CDH18: variants seen among roughly 807,000 people sequenced by gnomAD.
CDH18 encodes the protein cadherin-18.
CDH18 carries 31 observed loss-of-function variants against 67.9 expected under a neutral mutation model. The ratio of observed to expected loss-of-function variants is 0.46; its 90% CI spans 0.34 to 0.62. The LOEUF (loss-of-function observed/expected upper bound fraction) is 0.62. Among genes scored for constraint, CDH18 ranks in the 20% least tolerant of loss-of-function variants. The pLI is 0.01. For synonymous variants in CDH18, 362 were observed against 347.2 expected (o/e 1.04, Z -0.48); for missense variants, 890 against 975.5 (o/e 0.91, Z 1.17).
intron 1 of CDH18, among the ~76,000 whole-genome samples, chr5:20,513,092 TAATG>T (rs1183286582): frequency 2.0e-5 from 3 of 152,154 alleles, no homozygotes; most frequent in Non-Finnish European, 4.4e-5. Context: ...TTTTTATAAT[TAATG>T]AATGAAGGCC....
chr5:20,293,797 T>C (rs1747280155), intron 1 of CDH18, among the ~76,000 whole-genome samples: 1 of 152,166 alleles, frequency 6.6e-6, no homozygotes, highest in South Asian at 2.1e-4. Context: ...ATTATACAAA[T>C]AGTGTATTAT....
chr5:20,010,159 GGTGT>G (rs35461877), intron 2 of CDH18, among the ~76,000 whole-genome samples: 58 of 146,374 alleles, frequency 4.0e-4, no homozygotes, highest in Admixed American at 5.5e-4. Flanking sequence ...AGTGGAAAGT[GGTGT>G]GTGTGTGTGT....
intron 3 of CDH18, among the ~76,000 whole-genome samples, chr5:19,833,607 A>G (rs1448255077): frequency 6.6e-6 from 1 of 152,206 alleles, no homozygotes; most frequent in Non-Finnish European, 1.5e-5. Context: ...TTAGTTTTCA[A>G]AGGAAATACT....
At chr5:19,573,889 C>A (rs1458339096) in intron 7 of CDH18, among the ~76,000 whole-genome samples, 1 of 152,096 alleles carries the variant, frequency 6.6e-6, no homozygotes, top group Non-Finnish European at 1.5e-5. Flanking sequence ...AGTTAACTTG[C>A]TGCATGTGGA....
intron 2 of CDH18, among the ~76,000 whole-genome samples, chr5:20,206,389 C>T (rs763256691): frequency 4.6e-5 from 7 of 151,736 alleles, no homozygotes; most frequent in African/African-American, 9.7e-5. Context: ...GAATCACTGA[C>T]GAACTCTACC....
intron 5 of CDH18, among the ~76,000 whole-genome samples, chr5:19,625,784 C>CA (rs1207848631): frequency 6.6e-6 from 1 of 152,020 alleles, no homozygotes; most frequent in African/African-American, 2.4e-5. Flanking sequence ...GGTAGAGCCA[C>CA]AGAAGTTCAC....
intron 1 of CDH18, among the ~76,000 whole-genome samples, chr5:20,338,056 A>G (rs903272319): frequency 1.3e-5 from 2 of 152,258 alleles, no homozygotes; most frequent in Non-Finnish European, 1.5e-5. Flanking sequence ...GGAGAACACG[A>G]TGGGAAAGAC....
intron 1 of CDH18, among the ~76,000 whole-genome samples, chr5:20,505,016 T>C (rs1458761139): frequency 6.6e-6 from 1 of 151,920 alleles, no homozygotes; most frequent in East Asian, 1.9e-4. Context: ...ATCCAGCCGC[T>C]TCGGCCTCCC....
chr5:20,053,152 T>A (rs1231504498), intron 2 of CDH18, among the ~76,000 whole-genome samples: 2 of 151,978 alleles, frequency 1.3e-5, no homozygotes, highest in Non-Finnish European at 2.9e-5. Context: ...ATTTTTACAT[T>A]GTTAACACAA....
chr5:19,512,311 C>T (rs560009221), intron 10 of CDH18, among the ~76,000 whole-genome samples: 1 of 152,206 alleles, frequency 6.6e-6, no homozygotes, highest in East Asian at 1.9e-4. Context: ...TATAATTAGT[C>T]CGAAAACAAT....
intron 2 of CDH18, among the ~76,000 whole-genome samples, chr5:20,151,232 T>C (rs1006260951): frequency 6.6e-6 from 1 of 152,082 alleles, no homozygotes; most frequent in African/African-American, 2.4e-5. Context: ...AGTAAGATCA[T>C]GTGGTATTTG....
chr5:19,813,376 C>CTCAT (rs1212550131), intron 3 of CDH18, among the ~76,000 whole-genome samples: 1 of 151,868 alleles, frequency 6.6e-6, no homozygotes. Flanking sequence ...AAAGTTAAAA[C>CTCAT]TCATTTCTAT....
chr5:20,182,874 T>A (rs960274207), intron 2 of CDH18, among the ~76,000 whole-genome samples: 1 of 152,048 alleles, frequency 6.6e-6, no homozygotes, highest in Non-Finnish European at 1.5e-5. Flanking sequence ...AAGTATTTTG[T>A]TATAGTAGCA....
chr5:19,966,925 T>A (rs2150322070), intron 2 of CDH18, among the ~76,000 whole-genome samples: 1 of 152,170 alleles, frequency 6.6e-6, no homozygotes, highest in African/African-American at 2.4e-5. Context: ...TACATAATTG[T>A]TAATATCAAA....
At chr5:20,490,036 C>A (rs1206482822) in intron 1 of CDH18, among the ~76,000 whole-genome samples, 2 of 150,596 alleles carry the variant, frequency 1.3e-5, no homozygotes, top group Non-Finnish European at 3.0e-5. Flanking sequence ...TATAATAAAT[C>A]ATTAATTGAA....
intron 1 of CDH18, among the ~76,000 whole-genome samples, chr5:20,416,033 T>C (rs537619640): frequency 1.3e-5 from 2 of 152,216 alleles, no homozygotes; most frequent in African/African-American, 4.8e-5. Context: ...GTTTCAGTTA[T>C]GCAAGATAAG....
intron 7 of CDH18, among the ~76,000 whole-genome samples, chr5:19,589,778 CATT>C (rs1326226987): frequency 2.6e-5 from 4 of 152,088 alleles, no homozygotes; most frequent in African/African-American, 9.7e-5. Context: ...GATTCAGCCA[CATT>C]ATTTTGATCC....
At position 20,452,985 on chromosome 5, in the gene CDH18, T is replaced by A. The variant is rs572694867; in HGVS notation, c.-580+122477A>T. On this transcript the variant is annotated intron_variant, in intron 1 of 14. Coordinates refer to the CDH18 transcript ENST00000507958. ...AAATGAGAGAAATAGAAAGACCAAG[T>A]CATTATAATACACAGGCTGATAACT... 5.3e-5 allele frequency among the ~76,000 whole-genome samples: 8 copies of A among 152,186 alleles called. No individual in the cohort carries two copies. The South Asian group carries it at 1.4e-3, about 28-fold the overall frequency.
chr5:19,648,584 CT>C (rs150280626), intron 5 of CDH18, among the ~76,000 whole-genome samples: 1 of 151,650 alleles, frequency 6.6e-6, no homozygotes, highest in Admixed American at 6.6e-5. Context: ...AATTCTATCT[CT>C]TTTTTTTGTC....
Sources: allele counts gnomAD v4.1 joint callset (sites outside exome capture counted in the v4.1 genomes callset), GRCh38; gene constraint gnomAD v4.1.1; transcripts MANE v1.5; gene names NCBI Gene and HGNC (gene_info 2026-07-23, HGNC 2026-07-21).